The following SIRT1 variants were observed in gnomAD, a reference collection of about 807,000 sequenced individuals.
SIRT1 encodes the protein sirtuin 1.
A neutral mutation model predicts 67.9 loss-of-function variants in SIRT1; 24 were observed. The observed-to-expected ratio is 0.35, with a 90% CI of 0.26 to 0.50. The LOEUF (loss-of-function observed/expected upper bound fraction) is 0.50, where lower values mean the gene tolerates loss of function less well. Ranked by LOEUF, SIRT1 falls within the 20% of genes least tolerant of loss-of-function variation. The pLI, the probability that SIRT1 is intolerant of heterozygous loss-of-function variation, is 0.98. For synonymous variants in SIRT1, 378 were observed against 350.7 expected (o/e 1.08, Z -0.87); for missense variants, 873 against 937.2 (o/e 0.93, Z 0.89).
rs948830328 is a variant in SIRT1 at position 67,884,996 on chromosome 10, C to T, written c.275C>T (p.Ala92Val). The change falls in exon 1 of 9, where the codon GCC becomes GTC. Residue 92 changes from alanine (A) to valine (V), a missense_variant. Physicochemically the swap from Ala to Val is moderately conservative, Grantham distance 64 (BLOSUM62 0). Around this residue, in one of 3 missense-constraint regions of SIRT1, gnomAD observed 327 missense variants for 283.9 expected, o/e 1.15. Transcript: ENST00000212015. ...EAAAAGGEQE[A>V]QATAAAGEGD... Reference sequence around the variant, plus strand: ...GCGGCGGCAGGCGGGGAGCAAGAGGCCCAGGCGACTGCGGCGGCTGGGGAA... The same window carrying T: ...GCGGCGGCAGGCGGGGAGCAAGAGGTCCAGGCGACTGCGGCGGCTGGGGAA... 1.5e-6 allele frequency: 2 copies of T among 1,303,022 alleles called. No homozygotes were observed. Among genetic ancestry groups the T allele is most frequent in the African/African-American group, 1.5e-5 (1 of 64,800 alleles). The allele number at this position is 1,303,022 out of a possible 1,614,324, so 80.7% of individuals were successfully genotyped here. A position where few individuals can be genotyped will look rare whatever the true frequency, so the allele number is the denominator to read the frequency against.
chr10:67,909,312 A>G lies in SIRT1; in HGVS notation c.1227A>G (p.Pro409=). 1 of 1,613,336 alleles carries G rather than the reference A, an allele frequency of 6.2e-7. No individual in the cohort carries two copies. Among genetic ancestry groups the G allele is most frequent in the Non-Finnish European group, 8.5e-7 (1 of 1,179,794 alleles). The part of the protein sequence containing the change: ...PADEPLAIMK[P]EIVFFGENLP... Reference sequence around the variant, plus strand: ...ATGAACCGCTTGCTATCATGAAACCAGAGATTGTGTTTTTTGGTGAAAATT... The same window carrying G: ...ATGAACCGCTTGCTATCATGAAACCGGAGATTGTGTTTTTTGGTGAAAATT... The change falls in exon 7 of 9, where the codon CCA becomes CCG. Residue 409 remains proline (P), a synonymous_variant. Coordinates refer to ENST00000212015, the MANE Select transcript of SIRT1 (RefSeq NM_012238.5).
At chr10:67,902,237 C>T (rs1842755824) in intron 4 of SIRT1, among the ~76,000 whole-genome samples, 1 of 152,334 alleles carries the variant, frequency 6.6e-6, no homozygotes, top group African/African-American at 2.4e-5. Flanking sequence ...GATCCGCCTG[C>T]CTCAGCCTCC....
intron 8 of SIRT1, among the ~76,000 whole-genome samples, chr10:67,915,725 T>C (rs960981783): frequency 3.9e-5 from 6 of 152,096 alleles, no homozygotes; most frequent in African/African-American, 1.2e-4. Context: ...CTGTGTACTT[T>C]AGAGAAGCTA....
intron 4 of SIRT1, among the ~76,000 whole-genome samples, chr10:67,895,429 G>A (rs746696942): frequency 5.3e-5 from 8 of 152,234 alleles, no homozygotes; most frequent in Non-Finnish European, 1.0e-4. Flanking sequence ...ATCCTGACAC[G>A]GAGGATGGGG....
At chr10:67,888,845 G>T in intron 2 of SIRT1, 37 bp from the exon 3 acceptor site, 2 of 1,552,376 alleles carry the variant, frequency 1.3e-6, no homozygotes, top group Non-Finnish European at 1.7e-6. Flanking sequence ...TGAATTACTT[G>T]ATAAGTTGAC....
intron 6 of SIRT1, 87 bp from the exon 7 acceptor site, chr10:67,909,169 A>C: frequency 1.2e-6 from 1 of 833,858 alleles, no homozygotes; most frequent in Non-Finnish European, 1.8e-6. Flanking sequence ...TCTGAAATGT[A>C]TTCTTAGAGG....
chr10:67,891,524 A>G lies in SIRT1; in HGVS notation c.912A>G (p.Lys304=). 6.2e-7 allele frequency: 1 copy of G among 1,614,182 alleles called. No homozygotes were observed. The highest frequency in any genetic ancestry group is 8.5e-7 in the Non-Finnish European group (1 of 1,180,036). ...TGTTTGATATTGAATATTTCAGAAA[A>G]GATCCAAGACCATTCTTCAAGTTTG... ...QAMFDIEYFR[K]DPRPFFKFAK... is the part of the protein sequence containing the mutation. The change falls in exon 4 of 9, where the codon AAA becomes AAG. Residue 304 remains lysine (K), a synonymous_variant. Coordinates refer to ENST00000212015, the MANE Select transcript of SIRT1 (RefSeq NM_012238.5).
intron 4 of SIRT1, among the ~76,000 whole-genome samples, chr10:67,902,666 GA>G (rs1842761572): frequency 6.6e-6 from 1 of 152,156 alleles, no homozygotes; most frequent in Non-Finnish European, 1.5e-5. Context: ...TGACAGGAAG[GA>G]AAGTTTAGGT....
At chr10:67,905,900 C>T (rs1222514303) in intron 4 of SIRT1, 1 of 185,798 alleles carries the variant, frequency 5.4e-6, no homozygotes, top group East Asian at 1.3e-4. Flanking sequence ...TTTATACAAC[C>T]GGTTCCCTAT....
intron 7 of SIRT1, among the ~76,000 whole-genome samples, chr10:67,911,805 T>A (rs1367102178): frequency 3.2e-5 from 1 of 30,922 alleles, no homozygotes; most frequent in Admixed American, 4.1e-4. Context: ...CTATCCTCCC[T>A]CCCTCCCTCA....
At chr10:67,891,580 C>T (rs1389624731) in intron 4 of SIRT1, 26 bp downstream of exon 4, 1 of 1,609,822 alleles carries the variant, frequency 6.2e-7, no homozygotes, top group African/African-American at 1.3e-5. Context: ...CTGGTTGTTT[C>T]TTTGGCCTTC....
At chr10:67,895,297 C>T (rs1243413298) in intron 4 of SIRT1, among the ~76,000 whole-genome samples, 1 of 152,086 alleles carries the variant, frequency 6.6e-6, no homozygotes, top group Non-Finnish European at 1.5e-5. Context: ...TGGCGGGCGC[C>T]TGTCGTCCCA....
In SIRT1 at chr10:67,912,955, A is replaced by G. The variant is rs1261642239; in HGVS notation, c.1839A>G (p.Arg613=). The change falls in exon 8 of 9, where the codon AGA becomes AGG. Residue 613 remains arginine (R), a synonymous_variant. Transcript: ENST00000212015. ...VGSSTGEKNE[R]TSVAGTVRKC... is the part of the protein sequence containing the mutation. ...CTAGTACTGGGGAGAAAAATGAAAG[A>G]ACTTCAGTGGCTGGAACAGTGAGAA... The G allele has an allele frequency of 1.2e-6, 2 of 1,614,158 alleles. No homozygotes were observed. Among genetic ancestry groups the G allele is most frequent in the Non-Finnish European group, 8.5e-7 (1 of 1,180,028 alleles).
intron 4 of SIRT1, among the ~76,000 whole-genome samples, chr10:67,892,757 A>G (rs527401992): frequency 6.6e-6 from 1 of 152,222 alleles, no homozygotes; most frequent in East Asian, 1.9e-4. Flanking sequence ...GCCCGCTACC[A>G]TGCCCAGCTA....
chr10:67,902,847 C>G (rs1175873706), intron 4 of SIRT1, among the ~76,000 whole-genome samples: 3 of 152,146 alleles, frequency 2.0e-5, no homozygotes, highest in Non-Finnish European at 2.9e-5. Flanking sequence ...TAATCCTAAG[C>G]ACTTTGGGAG....
At chr10:67,911,937 T>C (rs1294042658) in intron 7 of SIRT1, among the ~76,000 whole-genome samples, 4 of 152,022 alleles carry the variant, frequency 2.6e-5, no homozygotes, top group Non-Finnish European at 5.9e-5. Context: ...GCTAATTTTG[T>C]GTTTTTAGTA....
chr10:67,915,316 T>A (rs1249443985), intron 8 of SIRT1, among the ~76,000 whole-genome samples: 4 of 152,146 alleles, frequency 2.6e-5, no homozygotes, highest in African/African-American at 7.2e-5. Flanking sequence ...TGAAGAGATG[T>A]TAAGTTAGGG....
intron 8 of SIRT1, 134 bp downstream of exon 8, chr10:67,913,165 G>A (rs532265478): frequency 8.0e-6 from 7 of 878,204 alleles, no homozygotes; most frequent in South Asian, 2.0e-5. Flanking sequence ...TGTACAGTTC[G>A]TAATCAGAAA....
intron 3 of SIRT1, among the ~76,000 whole-genome samples, chr10:67,889,628 A>G (rs1027926823): frequency 1.2e-4 from 19 of 152,228 alleles, no homozygotes; most frequent in Admixed American, 9.8e-4. Flanking sequence ...GTTGCAGCTA[A>G]TTAGTTACCT....
Sources: gnomAD v4.1 joint callset for allele counts (sites outside exome capture counted in the v4.1 genomes callset) on GRCh38, gnomAD v4.1.1 for gene constraint, gnomAD v4.1.1 regional missense constraint, MANE v1.5 for transcripts, NCBI Gene and HGNC (gene_info 2026-07-23, HGNC 2026-07-21) for gene names.